The following AP2B1 variants were observed in gnomAD, a reference collection of about 807,000 sequenced individuals.
AP2B1 encodes AP-2 complex subunit beta.
AP2B1 carries 23 observed loss-of-function variants against 102.0 expected under a neutral mutation model. The ratio of observed to expected loss-of-function variants is 0.23; its 90% CI spans 0.16 to 0.32. The LOEUF is 0.32. Ranked by LOEUF, AP2B1 falls within the 10% of genes least tolerant of loss-of-function variation. AP2B1 has a pLI of 1.00. For missense variants in AP2B1, 541 were observed against 1,157.4 expected, an observed-to-expected ratio of 0.47 and a Z score of 7.73; for synonymous variants, 381 against 421.2, an observed-to-expected ratio of 0.90 and a Z score of 1.17.
chr17:35,699,834 G>A (rs1381575209), intron 18 of AP2B1, among the ~76,000 whole-genome samples: 1 of 152,180 alleles, frequency 6.6e-6, no homozygotes, highest in Admixed American at 6.5e-5. Context: ...GGGAGGTCAA[G>A]GTGGGAGGAT....
intron 18 of AP2B1, among the ~76,000 whole-genome samples, chr17:35,701,666 A>T (rs1273611097): frequency 6.6e-6 from 1 of 152,210 alleles, no homozygotes; most frequent in Non-Finnish European, 1.5e-5. Flanking sequence ...ACAGTGGTGC[A>T]GTCATAGTTC....
At chr17:35,655,749 C>A (rs1439827752) in intron 13 of AP2B1, among the ~76,000 whole-genome samples, 1 of 152,190 alleles carries the variant, frequency 6.6e-6, no homozygotes, top group East Asian at 1.9e-4. Flanking sequence ...AGTGTATACT[C>A]TTTCTAGCAC....
intron 13 of AP2B1, among the ~76,000 whole-genome samples, chr17:35,654,508 T>G (rs1394936794): frequency 6.6e-6 from 1 of 152,204 alleles, no homozygotes; most frequent in Non-Finnish European, 1.5e-5. Context: ...GCCCATACAG[T>G]TGTTTTTGAG....
intron 5 of AP2B1, among the ~76,000 whole-genome samples, chr17:35,610,730 T>A (rs2073833873): frequency 6.6e-6 from 1 of 151,062 alleles, no homozygotes; most frequent in Non-Finnish European, 1.5e-5. Flanking sequence ...ACGCGGTGAA[T>A]CCCCGTCTCT....
At position 35,674,199 on chromosome 17, in the gene AP2B1, T is replaced by TA. The variant is rs1413462754; in HGVS notation, c.2205dup (p.Gly736ArgfsTer24). 6.2e-7 allele frequency: 1 copy of TA among 1,614,078 alleles called. No individual in the cohort carries two copies. Among genetic ancestry groups the TA allele is most frequent in the Non-Finnish European group, 8.5e-7 (1 of 1,180,010 alleles). ...AGGTCTGGCTACCTGCAGTAAAGGC[T>TA]AAAGGCTTGGAGATTTCCGGAACAT... On this transcript the variant is annotated frameshift_variant, in exon 17 of 22. Coordinates refer to ENST00000610402, the MANE Select transcript of AP2B1 (RefSeq NM_001030006.2). LOFTEE classifies it high-confidence loss of function.
chr17:35,659,718 A>G (rs1199509654), intron 14 of AP2B1: 4 of 801,662 alleles, frequency 5.0e-6, no homozygotes, highest in Non-Finnish European at 6.0e-6. Context: ...CTAAATTTTA[A>G]CATTTCCTGA....
intron 18 of AP2B1, among the ~76,000 whole-genome samples, chr17:35,703,077 C>A (rs903828974): frequency 2.0e-5 from 3 of 151,502 alleles, no homozygotes; most frequent in Non-Finnish European, 4.4e-5. Context: ...TCGAGACCAT[C>A]CTGGCCAACA....
chr17:35,710,953 C>G (rs2076434487), intron 20 of AP2B1, among the ~76,000 whole-genome samples: 2 of 152,136 alleles, frequency 1.3e-5, no homozygotes, highest in Non-Finnish European at 2.9e-5. Flanking sequence ...CTGCCCTGTG[C>G]CACCTTTCAT....
chr17:35,657,848 G>A, intron 14 of AP2B1, 57 bp downstream of exon 14: 1 of 1,514,108 alleles, frequency 6.6e-7, no homozygotes, highest in Non-Finnish European at 9.0e-7. Flanking sequence ...ATATGCTAGA[G>A]AGTTTTAAAT....
At chr17:35,720,564 TATATATA>T (rs2085340605) in intron 21 of AP2B1, among the ~76,000 whole-genome samples, 1 of 55,274 alleles carries the variant, frequency 1.8e-5, no homozygotes, top group Non-Finnish European at 3.7e-5. Flanking sequence ...TATATATATA[TATATATA>T]TATTTTTTTT....
At chr17:35,717,479 A>G (rs1461060980) in intron 21 of AP2B1, 130 bp downstream of exon 21, 13 of 1,035,280 alleles carry the variant, frequency 1.3e-5, no homozygotes, top group African/African-American at 1.6e-5. Flanking sequence ...TAAGTAGTCA[A>G]TGAAGAAGCT....
At chr17:35,627,267 TTTGC>T in intron 7 of AP2B1, 114 bp from the exon 8 acceptor site, 1 of 489,364 alleles carries the variant, frequency 2.0e-6, no homozygotes, top group Admixed American at 4.1e-5. Context: ...TTTTTTTTTT[TTTGC>T]CTGAGTGGAG....
intron 5 of AP2B1, among the ~76,000 whole-genome samples, chr17:35,621,801 A>T (rs970082774): frequency 2.0e-5 from 3 of 151,970 alleles, no homozygotes; most frequent in African/African-American, 7.3e-5. Context: ...GCTGTTTTTA[A>T]TTCTCCCCCT....
chr17:35,687,449 A>C (rs1310220629), intron 18 of AP2B1, among the ~76,000 whole-genome samples: 3 of 151,880 alleles, frequency 2.0e-5, no homozygotes, highest in Non-Finnish European at 4.4e-5. Flanking sequence ...ATTCCTGTAC[A>C]TGTCCCCACT....
chr17:35,700,465 T>C (rs62078160), intron 18 of AP2B1, among the ~76,000 whole-genome samples: 43 of 152,046 alleles, frequency 2.8e-4, no homozygotes, highest in Non-Finnish European at 5.6e-4. Flanking sequence ...TCTTCAGAAA[T>C]GTGGAAAGGT....
At chr17:35,673,378 G>A (rs1433369461) in intron 16 of AP2B1, among the ~76,000 whole-genome samples, 1 of 151,902 alleles carries the variant, frequency 6.6e-6, no homozygotes, top group Admixed American at 6.6e-5. Flanking sequence ...TAGTAGAGGC[G>A]GGGTTTCACT....
At chr17:35,702,886 G>C (rs587622081) in intron 18 of AP2B1, among the ~76,000 whole-genome samples, 1 of 152,168 alleles carries the variant, frequency 6.6e-6, no homozygotes, top group South Asian at 2.1e-4. Flanking sequence ...ACAGATGCTG[G>C]TGAGGTTGTA....
intron 5 of AP2B1, among the ~76,000 whole-genome samples, chr17:35,622,816 C>T (rs111548033): frequency 0.016 from 2,377 of 152,244 alleles, 63 homozygotes; most frequent in African/African-American, 0.054. Context: ...AGGCACACAC[C>T]ACCATGCCCG....
chr17:35,683,935 A>G (rs1439894396), intron 18 of AP2B1, among the ~76,000 whole-genome samples: 1 of 152,262 alleles, frequency 6.6e-6, no homozygotes, highest in East Asian at 1.9e-4. Context: ...TTCTGGGTAT[A>G]GCCCCTTGTG....
Sources: gnomAD v4.1 joint callset for allele counts (sites outside exome capture counted in the v4.1 genomes callset) on GRCh38, gnomAD v4.1.1 for gene constraint, MANE v1.5 for transcripts, NCBI Gene and HGNC (gene_info 2026-07-23, HGNC 2026-07-21) for gene names.